PLCB1: variants seen among roughly 807,000 people sequenced by gnomAD.
PLCB1 encodes the protein 1-phosphatidylinositol 4,5-bisphosphate phosphodiesterase beta-1.
A neutral mutation model predicts 161.8 loss-of-function variants in PLCB1; 46 were observed. The ratio of observed to expected loss-of-function variants is 0.28; its 90% CI spans 0.22 to 0.36. The LOEUF (loss-of-function observed/expected upper bound fraction) is 0.36. Among genes scored for constraint, PLCB1 ranks in the 10% least tolerant of loss-of-function variants. The probability of loss-of-function intolerance (pLI) is 1.00; values close to 1 mark genes in which losing one functional copy is unlikely to be tolerated. For missense variants in PLCB1, 1,016 were observed against 1,472.5 expected, an observed-to-expected ratio of 0.69 and a Z score of 5.07; for synonymous variants, 517 against 503.7, an observed-to-expected ratio of 1.03 and a Z score of -0.35.
chr20:8,308,916 A>G (rs1308253460), intron 2 of PLCB1, among the ~76,000 whole-genome samples: 1 of 151,562 alleles, frequency 6.6e-6, no homozygotes, highest in African/African-American at 2.4e-5. Flanking sequence ...GGACTCATAG[A>G]TTTTTTTCTT....
chr20:8,370,909 G>A (rs1001938027), intron 2 of PLCB1, among the ~76,000 whole-genome samples: 2 of 152,200 alleles, frequency 1.3e-5, no homozygotes, highest in Non-Finnish European at 2.9e-5. Flanking sequence ...TGAGGTATGT[G>A]TGCAAAAGGC....
At chr20:8,286,691 A>G (rs578196776) in intron 2 of PLCB1, among the ~76,000 whole-genome samples, 9 of 152,280 alleles carry the variant, frequency 5.9e-5, no homozygotes, top group African/African-American at 1.4e-4. Context: ...ATTGTCTACT[A>G]TATGTTAGAG....
chr20:8,462,126 A>G (rs1981607126), intron 3 of PLCB1, among the ~76,000 whole-genome samples: 1 of 152,164 alleles, frequency 6.6e-6, no homozygotes, highest in Non-Finnish European at 1.5e-5. Context: ...ATACACACAT[A>G]TATTAATCAA....
At chr20:8,546,030 T>A (rs1479966583) in intron 3 of PLCB1, among the ~76,000 whole-genome samples, 1 of 152,074 alleles carries the variant, frequency 6.6e-6, no homozygotes, top group Non-Finnish European at 1.5e-5. Flanking sequence ...GAAACTGAAA[T>A]TCTTGGCTGG....
At chr20:8,426,166 G>A (rs776392671) in intron 3 of PLCB1, among the ~76,000 whole-genome samples, 9 of 152,144 alleles carry the variant, frequency 5.9e-5, no homozygotes, top group African/African-American at 1.4e-4. Context: ...GATGGTTGGC[G>A]AAAAATGAAA....
rs573570824 is a variant in PLCB1 at position 8,813,939 on chromosome 20, G to C, written c.3423+23678G>C. ...ATTTTTCCTGTAGCGGAATTCATAG[G>C]TGAATGCCTGCCACAGCAAGGGTCC... On this transcript the variant is annotated intron_variant, in intron 31 of 31. Coordinates refer to ENST00000338037, the MANE Select transcript of PLCB1 (RefSeq NM_015192.4). Among the ~76,000 whole-genome samples the C allele has an allele frequency of 3.3e-5, 5 of 152,246 alleles. No individual in the cohort carries two copies. The East Asian group carries it at 9.7e-4, about 29-fold the overall frequency.
At chr20:8,282,095 A>G (rs1420562509) in intron 2 of PLCB1, among the ~76,000 whole-genome samples, 1 of 152,176 alleles carries the variant, frequency 6.6e-6, no homozygotes, top group East Asian at 1.9e-4. Flanking sequence ...CCTCATAACT[A>G]TTATATACAT....
chr20:8,757,270 G>T (rs1981787796), intron 24 of PLCB1, 92 bp downstream of exon 24: 1 of 1,326,378 alleles, frequency 7.5e-7, no homozygotes, highest in Admixed American at 2.3e-5. Context: ...GGTAGCTAAA[G>T]CATCAAGTGG....
intron 3 of PLCB1, among the ~76,000 whole-genome samples, chr20:8,398,505 GC>G (rs771313978): frequency 2.0e-4 from 31 of 152,178 alleles, no homozygotes; most frequent in Non-Finnish European, 4.3e-4. Flanking sequence ...TCTGCTGAGG[GC>G]CCACTTCTTG....
chr20:8,833,774 G>A (rs1006547415), intron 31 of PLCB1, among the ~76,000 whole-genome samples: 6 of 152,154 alleles, frequency 3.9e-5, no homozygotes, highest in Non-Finnish European at 7.4e-5. Context: ...CAATATAGCC[G>A]CTGTAAAAAA....
chr20:8,233,033 G>C (rs966326713), intron 2 of PLCB1, among the ~76,000 whole-genome samples: 1 of 152,094 alleles, frequency 6.6e-6, no homozygotes, highest in African/African-American at 2.4e-5. Context: ...TCACACTCTT[G>C]GTCCTAGGCA....
chr20:8,428,224 A>AT (rs5840267), intron 3 of PLCB1, among the ~76,000 whole-genome samples: 148 of 148,868 alleles, frequency 9.9e-4, no homozygotes, highest in African/African-American at 2.6e-3. Flanking sequence ...CAGGGTTTTC[A>AT]TTTTTTTTTT....
chr20:8,643,922 G>A (rs1281146258), intron 4 of PLCB1, among the ~76,000 whole-genome samples: 1 of 152,180 alleles, frequency 6.6e-6, no homozygotes, highest in Non-Finnish European at 1.5e-5. Flanking sequence ...AGCCTGCCCA[G>A]TGCCTGCGAT....
At chr20:8,708,863 T>G (rs1228880063) in intron 12 of PLCB1, 111 bp downstream of exon 12, 1 of 654,000 alleles carries the variant, frequency 1.5e-6, no homozygotes, top group Non-Finnish European at 2.7e-6. Context: ...TCTTCAATCA[T>G]GTTGTATATT....
At chr20:8,223,864 C>T (rs989141314) in intron 2 of PLCB1, among the ~76,000 whole-genome samples, 1 of 152,190 alleles carries the variant, frequency 6.6e-6, no homozygotes, top group Non-Finnish European at 1.5e-5. Context: ...TAATTGGCCT[C>T]ACCCCTACAG....
chr20:8,712,282 G>T (rs1320897622), intron 12 of PLCB1, among the ~76,000 whole-genome samples: 3 of 152,096 alleles, frequency 2.0e-5, no homozygotes, highest in Non-Finnish European at 2.9e-5. Flanking sequence ...GTGACAGAGT[G>T]AGACTTTGTC....
chr20:8,749,260 G>A (rs1261112674), intron 23 of PLCB1, among the ~76,000 whole-genome samples: 1 of 152,102 alleles, frequency 6.6e-6, no homozygotes, highest in Non-Finnish European at 1.5e-5. Flanking sequence ...TGCTGGTCTG[G>A]GGACCACACA....
At chr20:8,575,059 A>G (rs559353591) in intron 3 of PLCB1, among the ~76,000 whole-genome samples, 172 of 152,338 alleles carry the variant, frequency 1.1e-3, no homozygotes, top group Non-Finnish European at 2.1e-3. Flanking sequence ...CCCTTAGGAA[A>G]TCATCCATTT....
rs1985708991 is a variant in PLCB1, at chr20:8,549,841, AGATTACAGGCAT to A, written c.247-78450_247-78439del. ...CCTGCATGGACCTCCCAAAGTGCTG[AGATTACAGGCAT>A]GAGCCACCACACCCGCGGAGATCTG... On this transcript the variant is annotated intron_variant, in intron 3 of 31. Coordinates refer to ENST00000338037, the MANE Select transcript of PLCB1 (RefSeq NM_015192.4). Among the ~76,000 whole-genome samples, 2 of 152,154 alleles carry A rather than the reference AGATTACAGGCAT, an allele frequency of 1.3e-5. 1 individual carries two copies. Among genetic ancestry groups the A allele is most frequent in the South Asian group, 4.1e-4 (2 of 4,828 alleles).
Sources: allele counts gnomAD v4.1 joint callset (sites outside exome capture counted in the v4.1 genomes callset), GRCh38; gene constraint gnomAD v4.1.1; transcripts MANE v1.5; gene names NCBI Gene and HGNC (gene_info 2026-07-23, HGNC 2026-07-21).